Variants in ADAP1 observed in about 807,000 individuals in gnomAD.
ADAP1 encodes ArfGAP with dual PH domains 1.
ADAP1 carries 31 observed loss-of-function variants against 54.9 expected under a neutral mutation model. That is an observed-to-expected ratio of 0.56 (90% CI 0.42 to 0.76). The LOEUF is 0.76. Ranked by LOEUF, ADAP1 falls within the 30% of genes least tolerant of loss-of-function variation. The pLI, the probability that ADAP1 is intolerant of heterozygous loss-of-function variation, is 0.00. For synonymous variants in ADAP1, 313 were observed against 202.6 expected, an observed-to-expected ratio of 1.55 and a Z score of -4.63; for missense variants, 535 against 512.4, an observed-to-expected ratio of 1.04 and a Z score of -0.42.
chr7:921,005 G>A (rs34217249), intron 3 of ADAP1: 142,076 of 743,182 alleles, frequency 0.19, 16,219 homozygotes, highest in Admixed American at 0.3. Flanking sequence ...TCCCAGCTGG[G>A]TCTCTGGCCC....
chr7:905,499 AAGGGAG>A lies in ADAP1; in HGVS notation c.389-333_389-328del, dbSNP rs1404233517. On this transcript the variant is annotated intron_variant, in intron 4 of 10. Coordinates refer to ENST00000265846, the MANE Select transcript of ADAP1 (RefSeq NM_006869.4). The stretch of plus-strand genomic sequence containing the variant: ...AGGGAAAGGAGAAAGGAGAAGGGAG[AAGGGAG>A]AAGGGAGAAGGGAGAAGGGAGAAGG... The A allele has an allele frequency of 4.1e-4, 5 of 12,164 alleles. 1 individual carries two copies. The highest frequency in any genetic ancestry group is 6.7e-4 in the African/African-American group (2 of 2,986). 0.8% of individuals were successfully genotyped at this position (12,164 alleles called of 1,614,324 possible). A position where few individuals can be genotyped will look rare whatever the true frequency, so the allele number is the denominator to read the frequency against.
chr7:913,120 A>C (rs866327419), intron 4 of ADAP1, among the ~76,000 whole-genome samples: 1 of 151,704 alleles, frequency 6.6e-6, no homozygotes, highest in Non-Finnish European at 1.5e-5. Flanking sequence ...CTGCAATGAC[A>C]GGCATGAGCC....
chr7:924,953 G>A (rs1269659664), intron 3 of ADAP1, among the ~76,000 whole-genome samples: 1 of 152,090 alleles, frequency 6.6e-6, no homozygotes, highest in East Asian at 1.9e-4. Flanking sequence ...GACAGCAGCT[G>A]GCACCTGGGG....
At chr7:924,802 G>C (rs1033500769) in intron 3 of ADAP1, among the ~76,000 whole-genome samples, 14 of 151,998 alleles carry the variant, frequency 9.2e-5, no homozygotes, top group African/African-American at 1.7e-4. Context: ...GGAACTTGGA[G>C]ACAGTGACCC....
At position 927,117 on chromosome 7, in the gene ADAP1, G is replaced by GA. The variant is rs767566855; in HGVS notation, c.214-474dup. 4 of 1,304,154 alleles carry GA rather than the reference G, an allele frequency of 3.1e-6. No individual in the cohort carries two copies. The South Asian group carries it at 4.9e-5, about 16-fold the overall frequency. The allele number at this position is 1,304,154 out of a possible 1,614,324, so 80.8% of individuals were successfully genotyped here. A position where few individuals can be genotyped will look rare whatever the true frequency, so the allele number is the denominator to read the frequency against. On this transcript the variant is annotated intron_variant, in intron 2 of 10. Transcript: ENST00000265846. ...CCTGGAGATGGGCTGGTGAGCGAGA[G>GA]ACCCAGATGTGGCTAGGACAGAGTC...
intron 2 of ADAP1, among the ~76,000 whole-genome samples, chr7:932,222 G>A (rs781235483): frequency 2.6e-5 from 4 of 152,320 alleles, no homozygotes; most frequent in Admixed American, 6.5e-5. Flanking sequence ...TCTGCGGCAG[G>A]AATCAGGGGT....
At chr7:927,479 A>G in intron 2 of ADAP1, 1 of 471,996 alleles carries the variant, frequency 2.1e-6, no homozygotes, top group Non-Finnish European at 4.4e-6. Context: ...TGCACCTTCA[A>G]GCTCCTGAAC....
chr7:898,437 GAC>G lies in ADAP1; in HGVS notation c.*482_*483del, dbSNP rs1562903176. 2 of 214,496 alleles carry G rather than the reference GAC, an allele frequency of 9.3e-6. No homozygotes were observed. Among genetic ancestry groups the G allele is most frequent in the Non-Finnish European group, 1.9e-5 (2 of 104,980 alleles). 13.3% of individuals were successfully genotyped at this position (214,496 alleles called of 1,614,324 possible). A position where few individuals can be genotyped will look rare whatever the true frequency, so the allele number is the denominator to read the frequency against. On this transcript the variant is annotated 3_prime_UTR_variant, in exon 11 of 11. Coordinates refer to ENST00000265846, the MANE Select transcript of ADAP1 (RefSeq NM_006869.4). ...CACCCCACGGCCCTCATAGCCCCGTGACACACAACAGGCGCTCAATAAATAGT... is the reference window on the plus strand; with the variant it reads ...CACCCCACGGCCCTCATAGCCCCGTGACACAACAGGCGCTCAATAAATAGT...
At chr7:910,307 G>A (rs1233589250) in intron 4 of ADAP1, among the ~76,000 whole-genome samples, 1 of 151,966 alleles carries the variant, frequency 6.6e-6, no homozygotes, top group Non-Finnish European at 1.5e-5. Context: ...TGGAGTGCAG[G>A]GGCACTATCA....
rs920969760 is a variant in ADAP1, at chr7:909,754, G to A, written c.389-4582C>T. The stretch of plus-strand genomic sequence containing the variant: ...ATGGCCATTTTCTCTTAAAGGACTC[G>A]TGAGTCCTGGGGCAGGACTCGACCA... On this transcript the variant is annotated intron_variant, in intron 4 of 10. Coordinates refer to ENST00000265846, the MANE Select transcript of ADAP1 (RefSeq NM_006869.4). Among the ~76,000 whole-genome samples the A allele has an allele frequency of 2.0e-5, 3 of 152,312 alleles. No individual in the cohort carries two copies. The East Asian group carries it at 5.8e-4, about 29-fold the overall frequency.
chr7:902,014 G>T (rs566811781), intron 6 of ADAP1, among the ~76,000 whole-genome samples: 1 of 152,240 alleles, frequency 6.6e-6, no homozygotes, highest in East Asian at 1.9e-4. Context: ...CCACGCTGGA[G>T]CTCTGTGACC....
At chr7:930,933 T>C (rs1449260024) in intron 2 of ADAP1, among the ~76,000 whole-genome samples, 3 of 143,532 alleles carry the variant, frequency 2.1e-5, no homozygotes, top group Non-Finnish European at 4.5e-5. Flanking sequence ...TGAGCTATGA[T>C]AGTGCCACTG....
intron 4 of ADAP1, among the ~76,000 whole-genome samples, chr7:909,020 G>A (rs1272086884): frequency 6.7e-6 from 1 of 150,058 alleles, no homozygotes; most frequent in African/African-American, 2.5e-5. Context: ...TGACAGCAGT[G>A]CTCCGGAAGC....
Position 926,947 on chromosome 7 carries a change from A to C in ADAP1, c.214-303T>G. ...GTTTGCCCCACCGTTTCAACCCCCA[A>C]GTCCACCCACACCGGGTGTCCCGTG... On this transcript the variant is annotated intron_variant, in intron 2 of 10. Transcript: ENST00000265846. The surrounding 1 kb of genome is among the most constrained non-coding windows in gnomAD (Gnocchi z 4.6). 8.0e-7 allele frequency: 1 copy of C among 1,255,652 alleles called. No individual in the cohort carries two copies. The highest frequency in any genetic ancestry group is 4.0e-5 in the East Asian group (1 of 24,730). The allele number at this position is 1,255,652 out of a possible 1,614,324, so 77.8% of individuals were successfully genotyped here.
intron 4 of ADAP1, among the ~76,000 whole-genome samples, chr7:910,197 C>T (rs574148839): frequency 5.3e-5 from 8 of 152,148 alleles, no homozygotes; most frequent in Non-Finnish European, 8.8e-5. Context: ...GCGCACATCA[C>T]GTGCCTCAGA....
intron 1 of ADAP1, among the ~76,000 whole-genome samples, chr7:944,848 A>T (rs546357238): frequency 6.6e-6 from 1 of 151,666 alleles, no homozygotes; most frequent in Non-Finnish European, 1.5e-5. Context: ...TCCCCACTCT[A>T]CCCACCCTGA....
rs1846835883 is a variant in ADAP1, at chr7:938,151, T to C, written c.83-2646A>G. Among the ~76,000 whole-genome samples the C allele has an allele frequency of 1.3e-5, 2 of 152,060 alleles. No individual in the cohort carries two copies. Among genetic ancestry groups the C allele is most frequent in the Non-Finnish European group, 2.9e-5 (2 of 68,024 alleles). The stretch of plus-strand genomic sequence containing the variant: ...TTACAGGATCAGCCGTTGTTTGGTT[T>C]TGCGGGGTTTTTTTTGTCTTGTATT... On this transcript the variant is annotated intron_variant, in intron 1 of 10. Coordinates refer to ENST00000265846, the MANE Select transcript of ADAP1 (RefSeq NM_006869.4). This position sits in a 1 kb window ranked among gnomAD's most constrained non-coding sequence, Gnocchi z 4.4.
rs539452128 is a variant in ADAP1 at position 938,639 on chromosome 7, C to T, written c.83-3134G>A. 5.3e-5 allele frequency among the ~76,000 whole-genome samples: 8 copies of T among 152,296 alleles called. No homozygotes were observed. Among genetic ancestry groups the T allele is most frequent in the Admixed American group, 3.9e-4 (6 of 15,302 alleles). ...GCTCGGTACGTGGCTGTGCGAGGGG[C>T]GCCCAGAAGGCACGCCAGTCTCCGG... On this transcript the variant is annotated intron_variant, in intron 1 of 10. Transcript: ENST00000265846. This position sits in a 1 kb window ranked among gnomAD's most constrained non-coding sequence, Gnocchi z 4.4.
intron 1 of ADAP1, among the ~76,000 whole-genome samples, chr7:944,096 T>C (rs1213796262): frequency 6.6e-6 from 1 of 151,884 alleles, no homozygotes; most frequent in Admixed American, 6.6e-5. Flanking sequence ...AAAAAACTTT[T>C]TGTAGAAACA....
Sources: allele counts gnomAD v4.1 joint callset (sites outside exome capture counted in the v4.1 genomes callset), GRCh38; gene constraint gnomAD v4.1.1; non-coding constraint Gnocchi (gnomAD v3.1); transcripts MANE v1.5; gene names NCBI Gene and HGNC (gene_info 2026-07-23, HGNC 2026-07-21).